Variants in LINGO2 observed in about 807,000 individuals in gnomAD.
LINGO2 encodes leucine rich repeat and Ig domain containing 2.
In LINGO2, 14 loss-of-function variants were observed where a neutral mutation model predicts 30.6. The ratio of observed to expected loss-of-function variants is 0.46; its 90% CI spans 0.30 to 0.72. LINGO2 has a LOEUF of 0.72. Ranked by LOEUF, LINGO2 falls within the 30% of genes least tolerant of loss-of-function variation. The pLI is 0.07. For missense variants in LINGO2, 729 were observed against 751.7 expected, an observed-to-expected ratio of 0.97 and a Z score of 0.35; for synonymous variants, 317 against 288.5, an observed-to-expected ratio of 1.10 and a Z score of -1.00.
At chr9:29,175,522 ATTTT>A in the LINGO2 span, among the ~76,000 whole-genome samples, 28 of 110,386 alleles carry the variant, frequency 2.5e-4, no homozygotes, top group Admixed American at 4.3e-4. Flanking sequence ...TATCTCCGAG[ATTTT>A]TTTTTTTTTT....
chr9:28,295,829 C>A (rs1051545556), intron 3 of LINGO2, among the ~76,000 whole-genome samples: 10 of 152,142 alleles, frequency 6.6e-5, no homozygotes, highest in Non-Finnish European at 1.2e-4. Flanking sequence ...TTTGTGATTT[C>A]TGATGCTCCA....
intron 3 of LINGO2, among the ~76,000 whole-genome samples, chr9:28,349,400 C>T (rs9777431): frequency 0.36 from 43,066 of 118,992 alleles, 6,486 homozygotes; most frequent in African/African-American, 0.49. Context: ...AGGGTATCAG[C>T]GATGGAAGAT....
chr9:28,759,826 A>G, the LINGO2 span, among the ~76,000 whole-genome samples: 1 of 152,084 alleles, frequency 6.6e-6, no homozygotes, highest in Admixed American at 6.5e-5. Flanking sequence ...AGAGCAATAT[A>G]GCTTCTAATG....
the LINGO2 span, among the ~76,000 whole-genome samples, chr9:29,157,298 C>T: frequency 1.6e-4 from 25 of 152,200 alleles, no homozygotes; most frequent in South Asian, 2.1e-4. Flanking sequence ...TACATAAGTA[C>T]GGTGTTCTAC....
At chr9:28,902,514 T>C in the LINGO2 span, among the ~76,000 whole-genome samples, 10 of 152,180 alleles carry the variant, frequency 6.6e-5, no homozygotes, top group Non-Finnish European at 1.2e-4. Context: ...TCAGGCTTAA[T>C]CTGCACTTTA....
At chr9:28,321,058 A>T (rs1018717652) in intron 3 of LINGO2, among the ~76,000 whole-genome samples, 15 of 151,790 alleles carry the variant, frequency 9.9e-5, no homozygotes, top group Non-Finnish European at 1.8e-4. Context: ...ATTTTTGTTA[A>T]TTTTTTTTAA....
intron 2 of LINGO2, among the ~76,000 whole-genome samples, chr9:28,422,721 C>A (rs1823250757): frequency 6.6e-6 from 1 of 151,966 alleles, no homozygotes; most frequent in Non-Finnish European, 1.5e-5. Context: ...ATTTGTATAT[C>A]TATGTTTATA....
intron 3 of LINGO2, among the ~76,000 whole-genome samples, chr9:28,340,419 T>C (rs1222359421): frequency 1.3e-5 from 2 of 152,166 alleles, no homozygotes; most frequent in African/African-American, 4.8e-5. Flanking sequence ...CATTACATTC[T>C]TTCTGGATGG....
intron 4 of LINGO2, among the ~76,000 whole-genome samples, chr9:28,127,180 G>C (rs542013671): frequency 5.3e-5 from 8 of 152,110 alleles, no homozygotes; most frequent in Non-Finnish European, 1.2e-4. Flanking sequence ...AAGTAGAAAC[G>C]TAAGTCCTTT....
intron 4 of LINGO2, among the ~76,000 whole-genome samples, chr9:28,162,082 T>A (rs1165008144): frequency 6.6e-6 from 1 of 152,150 alleles, no homozygotes; most frequent in Non-Finnish European, 1.5e-5. Context: ...ACAATTTCAA[T>A]TAATTTCCAT....
chr9:28,216,926 T>C (rs942320937), intron 4 of LINGO2, among the ~76,000 whole-genome samples: 8 of 151,842 alleles, frequency 5.3e-5, no homozygotes, highest in African/African-American at 1.9e-4. Flanking sequence ...CTTGCGCACA[T>C]GAAATTTCAA....
the LINGO2 span, among the ~76,000 whole-genome samples, chr9:28,897,106 A>G: frequency 2.2e-4 from 33 of 152,308 alleles, no homozygotes; most frequent in East Asian, 4.8e-3. Flanking sequence ...TTTCTATCAC[A>G]AAGATTAATG....
chr9:29,045,333 A>T, the LINGO2 span, among the ~76,000 whole-genome samples: 1 of 152,138 alleles, frequency 6.6e-6, no homozygotes, highest in Non-Finnish European at 1.5e-5. Flanking sequence ...ACAAAAGGGG[A>T]CTACTGTACT....
chr9:28,585,238 G>A (rs1824470110), intron 1 of LINGO2, among the ~76,000 whole-genome samples: 2 of 151,964 alleles, frequency 1.3e-5, no homozygotes, highest in Admixed American at 6.6e-5. Flanking sequence ...TGTTTTAACT[G>A]GGCATCTTGT....
At chr9:28,602,919 A>G (rs1563856796) in intron 1 of LINGO2, among the ~76,000 whole-genome samples, 1 of 152,206 alleles carries the variant, frequency 6.6e-6, no homozygotes, top group South Asian at 2.1e-4. Context: ...AGTATGATCT[A>G]GTTTTCTGCT....
chr9:27,944,125 A>C (rs1396087971), downstream of LINGO2: 1 of 152,206 alleles, frequency 6.6e-6, no homozygotes, highest in Non-Finnish European at 1.5e-5. Context: ...AAAATCTCAC[A>C]TAAGATAAGG....
the LINGO2 span, among the ~76,000 whole-genome samples, chr9:29,141,654 A>G: frequency 6.6e-6 from 1 of 151,866 alleles, no homozygotes; most frequent in African/African-American, 2.4e-5. Flanking sequence ...CTGTCTATAG[A>G]TAATCTCTTT....
the LINGO2 span, among the ~76,000 whole-genome samples, chr9:28,980,000 T>C: frequency 6.6e-6 from 1 of 152,280 alleles, no homozygotes; most frequent in South Asian, 2.1e-4. Flanking sequence ...AAATATAATA[T>C]GTATAATCCC....
At chr9:28,976,375 C>T in the LINGO2 span, among the ~76,000 whole-genome samples, 6 of 152,020 alleles carry the variant, frequency 3.9e-5, no homozygotes, top group South Asian at 2.1e-4. Context: ...ACATTTAGTC[C>T]ATTCATTGTC....
Sources: allele counts gnomAD v4.1 joint callset (sites outside exome capture counted in the v4.1 genomes callset), GRCh38; gene constraint gnomAD v4.1.1; transcripts MANE v1.5; gene names NCBI Gene and HGNC (gene_info 2026-07-23, HGNC 2026-07-21).